Variants in CSNK1G1 observed in about 807,000 individuals in gnomAD.
CSNK1G1 encodes the protein casein kinase 1 gamma 1, also known as casein kinase I isoform gamma-1.
In CSNK1G1, 22 loss-of-function variants were observed where a neutral mutation model predicts 59.6. The observed-to-expected ratio is 0.37, with a 90% CI of 0.26 to 0.53. The LOEUF (loss-of-function observed/expected upper bound fraction) is 0.53, where lower values mean the gene tolerates loss of function less well. CSNK1G1 is among the 20% of genes least tolerant of loss of function. The pLI is 0.89. For synonymous variants in CSNK1G1, 179 were observed against 177.1 expected (o/e 1.01, Z -0.08); for missense variants, 384 against 519.5 (o/e 0.74, Z 2.54).
Position 64,311,205 on chromosome 15 carries a change from C to T in CSNK1G1, c.-224-10482G>A, listed in dbSNP as rs1170767308. ...GGATTACAGGCATGCACCACCATGC[C>T]CAGCTAATTTTGGTATTTTTAGTAC... On this transcript the variant is annotated intron_variant, in intron 1 of 11. Transcript: ENST00000303052. Among the ~76,000 whole-genome samples the T allele has an allele frequency of 5.3e-5, 8 of 151,802 alleles. No individual in the cohort carries two copies. The East Asian group carries it at 1.6e-3, about 30-fold the overall frequency.
chr15:64,333,651 T>C (rs1897236618), intron 1 of CSNK1G1, among the ~76,000 whole-genome samples: 2 of 151,834 alleles, frequency 1.3e-5, no homozygotes, highest in Non-Finnish European at 2.9e-5. Flanking sequence ...ATTGGCAAAA[T>C]GGATAAAAAA....
In CSNK1G1 at chr15:64,319,917, C is replaced by CTTTTTT. The variant is rs148166902; in HGVS notation, c.-224-19200_-224-19195dup. ...AAATGACTGCCTAAGTAGATCAGGG[C>CTTTTTT]TTTTTTTTTTTTTTTTTTTTTTTTG... On this transcript the variant is annotated intron_variant, in intron 1 of 11. Transcript: ENST00000303052. Among the ~76,000 whole-genome samples the CTTTTTT allele has an allele frequency of 1.8e-4, 12 of 65,944 alleles. 1 individual carries two copies. Among genetic ancestry groups the CTTTTTT allele is most frequent in the African/African-American group, 2.8e-4 (5 of 17,580 alleles). The allele number at this position is 65,944 out of a possible 152,430, so 43.3% of individuals were successfully genotyped here.
At chr15:64,181,503 T>C in intron 10 of CSNK1G1, 2 of 1,338,370 alleles carry the variant, frequency 1.5e-6, no homozygotes, top group Non-Finnish European at 2.0e-6. Flanking sequence ...AGTACTTCCA[T>C]CTATTTGAGA....
chr15:64,328,328 G>A lies in CSNK1G1; in HGVS notation c.-224-27605C>T, dbSNP rs1237360880. Among the ~76,000 whole-genome samples the A allele has an allele frequency of 6.6e-3, 940 of 142,162 alleles. 4 individuals carry two copies. Among genetic ancestry groups the A allele is most frequent in the African/African-American group, 0.025 (907 of 36,492 alleles). The allele number at this position is 142,162 out of a possible 152,430, so 93.3% of individuals were successfully genotyped here. A position where few individuals can be genotyped will look rare whatever the true frequency, so the allele number is the denominator to read the frequency against. ...CCATCAGACTAACAGCGGATCTCTC[G>A]GCAGAAACCCTACAAGCCAGAAGAG... On this transcript the variant is annotated intron_variant, in intron 1 of 11. Coordinates refer to ENST00000303052, the MANE Select transcript of CSNK1G1 (RefSeq NM_022048.5).
At chr15:64,324,992 C>T (rs1012548850) in intron 1 of CSNK1G1, among the ~76,000 whole-genome samples, 5 of 152,140 alleles carry the variant, frequency 3.3e-5, no homozygotes, top group South Asian at 2.1e-4. Context: ...TATTACCATA[C>T]AGTCTGATAC....
intron 6 of CSNK1G1, among the ~76,000 whole-genome samples, chr15:64,212,789 TA>T (rs2082264837): frequency 6.6e-6 from 1 of 152,068 alleles, no homozygotes; most frequent in South Asian, 2.1e-4. Flanking sequence ...GCAGATCACT[TA>T]AGGCCAGGAG....
chr15:64,270,331 G>A (rs1178121340), intron 2 of CSNK1G1, among the ~76,000 whole-genome samples: 1 of 150,976 alleles, frequency 6.6e-6, no homozygotes, highest in Admixed American at 6.6e-5. Context: ...GTTATTTTTT[G>A]TCTTCTCTGC....
At chr15:64,204,672 G>C (rs1567372119) in intron 8 of CSNK1G1, 83 bp from the exon 9 acceptor site, 1 of 1,419,376 alleles carries the variant, frequency 7.0e-7, no homozygotes, top group African/African-American at 1.4e-5. Flanking sequence ...GCCACAAAGG[G>C]GTTATTTATA....
chr15:64,271,925 T>G (rs1180502312), intron 2 of CSNK1G1, among the ~76,000 whole-genome samples: 1 of 152,216 alleles, frequency 6.6e-6, no homozygotes, highest in Non-Finnish European at 1.5e-5. Flanking sequence ...TTTACGAATC[T>G]GGGTGCTCCT....
chr15:64,290,320 C>T (rs530382603), intron 2 of CSNK1G1, among the ~76,000 whole-genome samples: 1 of 150,812 alleles, frequency 6.6e-6, no homozygotes, highest in African/African-American at 2.5e-5. Flanking sequence ...TATATATATA[C>T]ACATACACAT....
intron 2 of CSNK1G1, among the ~76,000 whole-genome samples, chr15:64,279,820 A>C (rs748141773): frequency 9.2e-5 from 14 of 151,978 alleles, no homozygotes; most frequent in Non-Finnish European, 1.5e-4. Context: ...AAAAATACAA[A>C]AATTAGCCAG....
rs2081658650 is a variant in CSNK1G1, at chr15:64,171,096, C to G, written c.*835G>C. On this transcript the variant is annotated 3_prime_UTR_variant, in exon 12 of 12. Coordinates refer to ENST00000303052, the MANE Select transcript of CSNK1G1 (RefSeq NM_022048.5). The surrounding 1 kb of genome is among the most constrained non-coding windows in gnomAD (Gnocchi z 4.8). ...TTGGCCGGCCCCATCCCCCTCAAAA[C>G]AGGTAAAAGTAAAACCCCCAATATA... 6.6e-6 allele frequency: 1 copy of G among 151,600 alleles called. No individual in the cohort carries two copies. The highest frequency in any genetic ancestry group is 2.4e-5 in the African/African-American group (1 of 41,028). 9.4% of individuals were successfully genotyped at this position (151,600 alleles called of 1,614,324 possible). A position where few individuals can be genotyped will look rare whatever the true frequency, so the allele number is the denominator to read the frequency against.
chr15:64,209,839 T>C (rs925046110), intron 6 of CSNK1G1, among the ~76,000 whole-genome samples: 2 of 152,180 alleles, frequency 1.3e-5, no homozygotes, highest in Non-Finnish European at 2.9e-5. Context: ...TTATATCCAC[T>C]TCCTGTAACA....
Position 64,260,810 on chromosome 15 carries a change from G to C in CSNK1G1, c.182-1569C>G, listed in dbSNP as rs1051457441. On this transcript the variant is annotated intron_variant, in intron 2 of 11. Coordinates refer to ENST00000303052, the MANE Select transcript of CSNK1G1 (RefSeq NM_022048.5). ...ATTTACAAACCTCTAGACAACAGAAGGCCCTCTGCAATATAACTACATCAT... is the reference window on the plus strand; with the variant it reads ...ATTTACAAACCTCTAGACAACAGAACGCCCTCTGCAATATAACTACATCAT... Among the ~76,000 whole-genome samples, 3 of 152,020 alleles carry C rather than the reference G, an allele frequency of 2.0e-5. No individual in the cohort carries two copies. The South Asian group carries it at 6.2e-4, about 32-fold the overall frequency.
chr15:64,276,255 G>A (rs1473770206), intron 2 of CSNK1G1, among the ~76,000 whole-genome samples: 1 of 152,024 alleles, frequency 6.6e-6, no homozygotes, highest in Admixed American at 6.6e-5. Context: ...TTATAGTGGT[G>A]GGCAGAAAAA....
chr15:64,236,857 T>A (rs2080733301), intron 4 of CSNK1G1, among the ~76,000 whole-genome samples: 1 of 152,208 alleles, frequency 6.6e-6, no homozygotes, highest in South Asian at 2.1e-4. Flanking sequence ...TTCACAGGAC[T>A]ATGCACAACA....
intron 2 of CSNK1G1, among the ~76,000 whole-genome samples, chr15:64,292,358 C>T (rs1014105227): frequency 6.6e-6 from 1 of 152,160 alleles, no homozygotes; most frequent in Non-Finnish European, 1.5e-5. Flanking sequence ...GCAGGAGTGT[C>T]ACAGAACAAG....
intron 10 of CSNK1G1, among the ~76,000 whole-genome samples, chr15:64,182,522 G>A (rs969139308): frequency 6.6e-6 from 1 of 152,086 alleles, no homozygotes; most frequent in African/African-American, 2.4e-5. Flanking sequence ...ATTAAATCCT[G>A]GACACTACAA....
At chr15:64,354,397 C>T (rs1198320043) in intron 1 of CSNK1G1, among the ~76,000 whole-genome samples, 2 of 152,198 alleles carry the variant, frequency 1.3e-5, no homozygotes, top group African/African-American at 4.8e-5. Context: ...TTAAGATTTA[C>T]ATACATTACT....
Sources: allele counts gnomAD v4.1 joint callset (sites outside exome capture counted in the v4.1 genomes callset), GRCh38; gene constraint gnomAD v4.1.1; non-coding constraint Gnocchi (gnomAD v3.1); transcripts MANE v1.5; gene names NCBI Gene and HGNC (gene_info 2026-07-23, HGNC 2026-07-21).